The following TSG101 variants were observed in gnomAD, a reference collection of about 807,000 sequenced individuals.
The protein encoded by TSG101 is tumor susceptibility 101, also known as tumor susceptibility gene 101 protein.
A neutral mutation model predicts 48.5 loss-of-function variants in TSG101; 19 were observed. That is an observed-to-expected ratio of 0.39 (90% CI 0.27 to 0.58). The LOEUF is 0.58. Among genes scored for constraint, TSG101 ranks in the 20% least tolerant of loss-of-function variants. TSG101 has a pLI of 0.55. For synonymous variants in TSG101, 174 were observed against 169.4 expected (o/e 1.03, Z -0.21); for missense variants, 365 against 484.4 (o/e 0.75, Z 2.31).
At chr11:18,485,539 T>C (rs937740749) in intron 7 of TSG101, among the ~76,000 whole-genome samples, 1 of 152,190 alleles carries the variant, frequency 6.6e-6, no homozygotes, top group Non-Finnish European at 1.5e-5. Context: ...GTCCTTAGAA[T>C]GTGCTTTTTT....
At chr11:18,492,273 C>T (rs759795711) in intron 7 of TSG101, among the ~76,000 whole-genome samples, 211 of 152,288 alleles carry the variant, frequency 1.4e-3, no homozygotes, top group Non-Finnish European at 2.2e-3. Flanking sequence ...AATGATATGT[C>T]TATAATTAAG....
At chr11:18,506,947 G>T (rs1238419002) in intron 5 of TSG101, 24 bp from the exon 6 acceptor site, 1 of 1,595,316 alleles carries the variant, frequency 6.3e-7, no homozygotes, top group Admixed American at 1.7e-5. Context: ...TTTTCACATT[G>T]TAAAAATAAT....
chr11:18,526,935 A>C lies in TSG101; in HGVS notation c.-119T>G, dbSNP rs933725821. On this transcript the variant is annotated 5_prime_UTR_variant, in exon 1 of 10. Coordinates refer to ENST00000251968, the MANE Select transcript of TSG101 (RefSeq NM_006292.4). ...CGGCCTCAAACAACAGGAAGTCGGC[A>C]CCACTACACCACTTCCGCTTCCACT... is the stretch of plus-strand genomic sequence containing the variant. The C allele has an allele frequency of 4.8e-6, 5 of 1,035,362 alleles. No homozygotes were observed. In the Admixed American group the frequency reaches 7.0e-5, roughly 15 times the overall value. 64.1% of individuals were successfully genotyped at this position (1,035,362 alleles called of 1,614,324 possible).
chr11:18,488,495 CA>C (rs1565082912), intron 7 of TSG101, among the ~76,000 whole-genome samples: 1 of 152,106 alleles, frequency 6.6e-6, no homozygotes, highest in Non-Finnish European at 1.5e-5. Context: ...TGGTGAGGGG[CA>C]CTAAAAAGCA....
At chr11:18,508,053 C>G (rs1356490852) in intron 5 of TSG101, among the ~76,000 whole-genome samples, 2 of 150,744 alleles carry the variant, frequency 1.3e-5, no homozygotes, top group Admixed American at 6.6e-5. Context: ...CAGATCATAC[C>G]ACTGCACTCC....
intron 1 of TSG101, among the ~76,000 whole-genome samples, chr11:18,522,315 ACTC>A (rs781042940): frequency 4.5e-4 from 68 of 152,028 alleles, no homozygotes; most frequent in African/African-American, 1.3e-3. Flanking sequence ...CCAAAACTGA[ACTC>A]CTCATCTTCT....
chr11:18,483,104 T>C (rs149444993), intron 8 of TSG101, among the ~76,000 whole-genome samples: 1 of 152,200 alleles, frequency 6.6e-6, no homozygotes, highest in East Asian at 1.9e-4. Flanking sequence ...AGCCGGTCTT[T>C]CTATTCTCGT....
chr11:18,505,436 T>C (rs1283523340), intron 6 of TSG101, among the ~76,000 whole-genome samples: 1 of 151,728 alleles, frequency 6.6e-6, no homozygotes, highest in East Asian at 1.9e-4. Context: ...TAATTTTTTT[T>C]GTAGAAATGA....
At chr11:18,482,411 A>G (rs1427263871) in intron 8 of TSG101, among the ~76,000 whole-genome samples, 2 of 152,222 alleles carry the variant, frequency 1.3e-5, no homozygotes, top group East Asian at 1.9e-4. Flanking sequence ...TTTACAATCT[A>G]GAACCACTTT....
At chr11:18,494,008 A>G (rs763182535) in intron 7 of TSG101, among the ~76,000 whole-genome samples, 2 of 152,222 alleles carry the variant, frequency 1.3e-5, no homozygotes, top group Non-Finnish European at 2.9e-5. Flanking sequence ...TTCTATCAAC[A>G]CAATCAATAA....
At chr11:18,508,462 G>GC (rs1850014456) in intron 5 of TSG101, 1 of 151,994 alleles carries the variant, frequency 6.6e-6, no homozygotes, top group Non-Finnish European at 1.5e-5. Flanking sequence ...CTCCCAAAGT[G>GC]CTGGGGTTAC....
intron 4 of TSG101, among the ~76,000 whole-genome samples, chr11:18,514,463 A>T (rs1442322656): frequency 2.0e-5 from 3 of 152,210 alleles, no homozygotes; most frequent in Non-Finnish European, 2.9e-5. Context: ...AAGCCAACAA[A>T]ATATTGAATA....
chr11:18,525,752 G>A, intron 1 of TSG101: 1 of 854,886 alleles, frequency 1.2e-6, no homozygotes, highest in Non-Finnish European at 1.4e-6. Context: ...TAAAATATAC[G>A]ATTACACAAC....
In TSG101 at chr11:18,514,807, T is replaced by G; in HGVS notation, c.228A>C (p.Leu76=). 1 of 1,582,876 alleles carries G rather than the reference T, an allele frequency of 6.3e-7. No homozygotes were observed. Among genetic ancestry groups the G allele is most frequent in the Non-Finnish European group, 8.5e-7 (1 of 1,170,236 alleles). The change falls in exon 4 of 10, where the codon CTA becomes CTC. Residue 76 remains leucine, a synonymous_variant. Coordinates refer to ENST00000251968, the MANE Select transcript of TSG101 (RefSeq NM_006292.4). ...GGGGATTATATGGGTATGTGTCCAG[T>G]AGCCATAGGCATATTGGAATATTGT... ...NTYNIPICLW[L]LDTYPYNPPI...
chr11:18,521,851 A>G (rs1850283810), intron 1 of TSG101, among the ~76,000 whole-genome samples: 1 of 151,656 alleles, frequency 6.6e-6, no homozygotes, highest in South Asian at 2.1e-4. Context: ...TAATTTTTGT[A>G]TATTTTTGAT....
chr11:18,519,647 A>G (rs1590289180), intron 1 of TSG101, 44 bp from the exon 2 acceptor site: 2 of 1,405,016 alleles, frequency 1.4e-6, no homozygotes, highest in East Asian at 4.6e-5. Flanking sequence ...AAACCAATGC[A>G]TATATTTTAC....
At chr11:18,495,666 GTTTT>G (rs35958204) in intron 7 of TSG101, among the ~76,000 whole-genome samples, 14 of 135,900 alleles carry the variant, frequency 1.0e-4, no homozygotes, top group African/African-American at 2.2e-4. Flanking sequence ...TACCAGTTAG[GTTTT>G]TTTTTTTTTT....
chr11:18,496,015 C>T (rs1849771547), intron 7 of TSG101, among the ~76,000 whole-genome samples: 1 of 152,036 alleles, frequency 6.6e-6, no homozygotes, highest in African/African-American at 2.4e-5. Flanking sequence ...AAGGGAGGGG[C>T]CAATTAGTCC....
chr11:18,515,324 C>T (rs1244153344), intron 3 of TSG101, among the ~76,000 whole-genome samples: 1 of 152,182 alleles, frequency 6.6e-6, no homozygotes, highest in African/African-American at 2.4e-5. Context: ...CAGCTCCTAT[C>T]CTTATTGCCT....
Sources: allele counts gnomAD v4.1 joint callset (sites outside exome capture counted in the v4.1 genomes callset), GRCh38; gene constraint gnomAD v4.1.1; transcripts MANE v1.5; gene names NCBI Gene and HGNC (gene_info 2026-07-23, HGNC 2026-07-21).